Variants in JAK2 observed in about 807,000 individuals in gnomAD.
The protein encoded by JAK2 is tyrosine-protein kinase JAK2.
Under a neutral mutation model 139.3 loss-of-function variants are expected in JAK2, and 86 were observed. The observed-to-expected ratio is 0.62, with a 90% confidence interval of 0.52 to 0.74. The LOEUF (loss-of-function observed/expected upper bound fraction) is 0.74. Ranked by LOEUF, JAK2 falls within the 30% of genes least tolerant of loss-of-function variation. The probability of loss-of-function intolerance (pLI) is 0.00; values close to 1 mark genes in which losing one functional copy is unlikely to be tolerated. For synonymous variants in JAK2, 490 were observed against 437.7 expected, an observed-to-expected ratio of 1.12 and a Z score of -1.49; for missense variants, 1,421 against 1,360.3, an observed-to-expected ratio of 1.04 and a Z score of -0.70.
chr9:5,069,391 G>A (rs1247189078), intron 11 of JAK2, among the ~76,000 whole-genome samples, 183 bp downstream of exon 11: 2 of 152,230 alleles, frequency 1.3e-5, no homozygotes, highest in East Asian at 3.9e-4. Context: ...TGGTGGTCTA[G>A]AAGTGACTTG....
intron 11 of JAK2, 27 bp downstream of exon 11, chr9:5,069,235 A>AATTACTGGTCATGG: frequency 6.7e-7 from 1 of 1,486,438 alleles, no homozygotes; most frequent in Non-Finnish European, 9.3e-7. Flanking sequence ...GTTATTTTTA[A>AATTACTGGTCATGG]ATTACTGGTC....
At chr9:5,047,732 G>C (rs751684809) in intron 5 of JAK2, among the ~76,000 whole-genome samples, 2 of 152,130 alleles carry the variant, frequency 1.3e-5, no homozygotes, top group Non-Finnish European at 2.9e-5. Flanking sequence ...TGAGTAGCTA[G>C]GTACAGGTGT....
At position 5,022,209 on chromosome 9, in the gene JAK2, T is replaced by C. The variant is rs575013582; in HGVS notation, c.222T>C (p.Ala74=). The change falls in exon 3 of 25, where the codon GCT becomes GCC. Residue 74 remains alanine, a synonymous_variant. Transcript: ENST00000381652. ...AAATCTGTATTGCTGCTTCTAAAGC[T>C]TGTGGTAAGTATTAAAAAACAGCAT... ...AEEICIAASK[A]CGITPVYHNM... The C allele has an allele frequency of 2.5e-6, 4 of 1,610,574 alleles. No individual in the cohort carries two copies. The highest frequency in any genetic ancestry group is 3.4e-6 in the Non-Finnish European group (4 of 1,177,048).
At chr9:5,048,096 A>G (rs1817145957) in intron 5 of JAK2, among the ~76,000 whole-genome samples, 1 of 152,050 alleles carries the variant, frequency 6.6e-6, no homozygotes, top group South Asian at 2.1e-4. Context: ...CATGACTTCC[A>G]TAGAATTTCC....
intron 10 of JAK2, among the ~76,000 whole-genome samples, chr9:5,067,647 T>C (rs988229712): frequency 5.9e-5 from 9 of 151,792 alleles, no homozygotes; most frequent in South Asian, 4.1e-4. Flanking sequence ...CAAGTATGAA[T>C]TCAAAAAAAT....
chr9:5,083,926 A>G (rs757030390), intron 19 of JAK2, among the ~76,000 whole-genome samples: 3 of 152,244 alleles, frequency 2.0e-5, no homozygotes, highest in East Asian at 1.9e-4. Flanking sequence ...ATACAATTCT[A>G]TATCTTGCTA....
chr9:5,124,439 T>A (rs1190470778), intron 23 of JAK2, among the ~76,000 whole-genome samples: 1 of 151,812 alleles, frequency 6.6e-6, no homozygotes, highest in Non-Finnish European at 1.5e-5. Flanking sequence ...CAATCCAATT[T>A]ACCAGCACCA....
At chr9:5,089,629 C>A in intron 19 of JAK2, 45 bp from the exon 20 acceptor site, 1 of 936,242 alleles carries the variant, frequency 1.1e-6, no homozygotes, top group Non-Finnish European at 1.5e-6. Context: ...TTGTAATTTG[C>A]CTTGAAAACT....
intron 10 of JAK2, among the ~76,000 whole-genome samples, chr9:5,067,586 T>G (rs1242809875): frequency 3.3e-5 from 5 of 152,018 alleles, no homozygotes; most frequent in Non-Finnish European, 7.4e-5. Flanking sequence ...TGGTAATCTA[T>G]CCTAATTTCA....
Position 5,022,268 on chromosome 9 carries a change from C to G in JAK2, c.226+55C>G, listed in dbSNP as rs1563932221. 2.5e-6 allele frequency: 3 copies of G among 1,201,944 alleles called. No individual in the cohort carries two copies. The African/African-American group carries it at 4.5e-5, about 18-fold the overall frequency. The allele number at this position is 1,201,944 out of a possible 1,614,324, so 74.5% of individuals were successfully genotyped here. ...TTATGCATGGATTGTTTTAATTATG[C>G]TATGCTAATACTAGGTACATGCATA... On this transcript the variant is annotated intron_variant, in intron 3 of 24. Transcript: ENST00000381652.
At chr9:5,111,031 G>A in intron 22 of JAK2, 1 of 870,726 alleles carries the variant, frequency 1.1e-6, no homozygotes, top group Non-Finnish European at 1.8e-6. Flanking sequence ...CGCCTCCCTG[G>A]CCGGGGCGCA....
chr9:4,989,857 T>C (rs1235969075), intron 2 of JAK2, among the ~76,000 whole-genome samples: 1 of 152,162 alleles, frequency 6.6e-6, no homozygotes, highest in Non-Finnish European at 1.5e-5. Flanking sequence ...AAAAATGTAG[T>C]TGGAATTTGA....
At chr9:5,058,738 G>A (rs182451701) in intron 8 of JAK2, among the ~76,000 whole-genome samples, 1 of 151,968 alleles carries the variant, frequency 6.6e-6, no homozygotes. Context: ...CCATCTGATG[G>A]GTGTGAAGTA....
intron 4 of JAK2, among the ~76,000 whole-genome samples, chr9:5,030,517 G>C (rs1823075307): frequency 6.6e-6 from 1 of 152,032 alleles, no homozygotes; most frequent in Admixed American, 6.5e-5. Context: ...ACTTCATGAG[G>C]TGTTAAGATT....
chr9:5,030,310 C>G (rs1429596982), intron 4 of JAK2, among the ~76,000 whole-genome samples: 1 of 152,142 alleles, frequency 6.6e-6, no homozygotes, highest in Admixed American at 6.5e-5. Flanking sequence ...AGAAAAGAGA[C>G]TTTTCCCAGT....
At chr9:5,020,279 C>G (rs1382484457) in intron 2 of JAK2, among the ~76,000 whole-genome samples, 2 of 152,122 alleles carry the variant, frequency 1.3e-5, no homozygotes, top group Non-Finnish European at 2.9e-5. Flanking sequence ...TCCTCAGACC[C>G]CCAGGTGGAA....
chr9:5,102,782 T>C (rs375204781), intron 22 of JAK2, among the ~76,000 whole-genome samples: 159 of 152,236 alleles, frequency 1.0e-3, no homozygotes, highest in African/African-American at 3.7e-3. Flanking sequence ...GAATTTCATA[T>C]CCAGCCACAC....
rs1345821349 is a variant in JAK2, at chr9:5,033,226, T to G, written c.350+3320T>G. On this transcript the variant is annotated intron_variant, in intron 4 of 24. Coordinates refer to ENST00000381652, the MANE Select transcript of JAK2 (RefSeq NM_004972.4). The stretch of plus-strand genomic sequence containing the variant: ...GAATAAAAGGAAACAAACAAAGCCT[T>G]CAAGAAATATGGGACTATGTGAAAA... 2.0e-5 allele frequency among the ~76,000 whole-genome samples: 3 copies of G among 152,126 alleles called. No individual in the cohort carries two copies. In the South Asian group the frequency reaches 6.2e-4, roughly 32 times the overall value.
At chr9:5,032,420 G>C (rs1046667866) in intron 4 of JAK2, among the ~76,000 whole-genome samples, 3 of 152,362 alleles carry the variant, frequency 2.0e-5, no homozygotes, top group African/African-American at 7.2e-5. Context: ...GAATGCAGCT[G>C]GAGATCTGAG....
Sources: gnomAD v4.1 joint callset for allele counts (sites outside exome capture counted in the v4.1 genomes callset) on GRCh38, gnomAD v4.1.1 for gene constraint, MANE v1.5 for transcripts, NCBI Gene and HGNC (gene_info 2026-07-23, HGNC 2026-07-21) for gene names.